Variants in CHST15 observed in about 807,000 individuals in gnomAD.
The protein encoded by CHST15 is B cell RAG associated protein (GALNAC4S-6ST).
A neutral mutation model predicts 53.6 loss-of-function variants in CHST15; 30 were observed. The observed-to-expected ratio is 0.56, with a 90% CI of 0.42 to 0.76. The LOEUF is 0.76. Among genes scored for constraint, CHST15 ranks in the 30% least tolerant of loss-of-function variants. The pLI is 0.00. For synonymous variants in CHST15, 296 were observed against 289.8 expected, an observed-to-expected ratio of 1.02 and a Z score of -0.22; for missense variants, 627 against 740.5, an observed-to-expected ratio of 0.85 and a Z score of 1.78.
chr10:124,038,725 A>G, intron 4 of CHST15, 54 bp from the exon 5 acceptor site: 1 of 1,592,080 alleles, frequency 6.3e-7, no homozygotes, highest in Non-Finnish European at 8.6e-7. Flanking sequence ...GCTCCCACGG[A>G]GTGGCTCTAG....
intron 1 of CHST15, among the ~76,000 whole-genome samples, chr10:124,068,596 G>T (rs935781724): frequency 6.6e-6 from 1 of 152,132 alleles, no homozygotes; most frequent in Non-Finnish European, 1.5e-5. Context: ...AAATGCATCC[G>T]AAATGAATTA....
chr10:124,015,577 C>T (rs1463920769), intron 6 of CHST15, among the ~76,000 whole-genome samples: 1 of 152,030 alleles, frequency 6.6e-6, no homozygotes, highest in African/African-American at 2.4e-5. Flanking sequence ...AGGTACCAGG[C>T]CGAGCCTCTC....
intron 1 of CHST15, among the ~76,000 whole-genome samples, chr10:124,065,614 G>A (rs535027946): frequency 7.8e-4 from 118 of 152,006 alleles, no homozygotes; most frequent in Non-Finnish European, 1.3e-3. Flanking sequence ...AGTCCTGCTG[G>A]GAGCAGACAC....
At chr10:124,068,056 G>T (rs571139297) in intron 1 of CHST15, among the ~76,000 whole-genome samples, 3 of 152,192 alleles carry the variant, frequency 2.0e-5, no homozygotes, top group Admixed American at 6.5e-5. Context: ...CAGAAACTTT[G>T]CCTTAATTAG....
chr10:124,045,224 C>G (rs1414882646), intron 2 of CHST15, among the ~76,000 whole-genome samples: 1 of 150,822 alleles, frequency 6.6e-6, no homozygotes, highest in East Asian at 1.9e-4. Flanking sequence ...ACAACACACA[C>G]GCACACACGG....
At chr10:124,020,852 T>C in intron 6 of CHST15, 1 of 1,247,906 alleles carries the variant, frequency 8.0e-7, no homozygotes, top group Non-Finnish European at 1.0e-6. Flanking sequence ...AAAGAAGCAT[T>C]GAAAATCATT....
At chr10:124,080,417 A>T (rs2134208887) in intron 1 of CHST15, among the ~76,000 whole-genome samples, 1 of 152,080 alleles carries the variant, frequency 6.6e-6, no homozygotes, top group East Asian at 1.9e-4. Context: ...CCAGCTGGTC[A>T]CTCCAGCACA....
chr10:124,031,207 A>G (rs1947212720), intron 5 of CHST15, among the ~76,000 whole-genome samples: 1 of 152,088 alleles, frequency 6.6e-6, no homozygotes, highest in South Asian at 2.1e-4. Flanking sequence ...GCCTGGCCCT[A>G]CTCCCTCAAC....
At chr10:124,051,360 T>C (rs773297475) in intron 1 of CHST15, among the ~76,000 whole-genome samples, 8 of 151,836 alleles carry the variant, frequency 5.3e-5, no homozygotes, top group Non-Finnish European at 1.2e-4. Flanking sequence ...ATTAATGGGG[T>C]GGTATTGAAA....
Position 124,045,966 on chromosome 10 carries a change from C to G in CHST15, c.247G>C (p.Val83Leu). ...RFKKGKRCSL[V>L]FGLIIMTLVM... Reference sequence around the variant, plus strand: ...AAGGTCATTATTATCAGTCCAAAAACGAGGCTACATCGCTTCCCCTTTTTG... The same window carrying G: ...AAGGTCATTATTATCAGTCCAAAAAGGAGGCTACATCGCTTCCCCTTTTTG... Residue 83 changes from valine (V) to leucine (L), a missense_variant, in exon 2 of 8, where the codon GTT (valine) becomes CTT (leucine). Around this residue, in one of 3 missense-constraint regions of CHST15, gnomAD observed 187 missense variants for 251.8 expected, o/e 0.74. Transcript: ENST00000435907. The G allele has an allele frequency of 6.2e-7, 1 of 1,614,140 alleles. No homozygotes were observed. Among genetic ancestry groups the G allele is most frequent in the Non-Finnish European group, 8.5e-7 (1 of 1,180,034 alleles).
At chr10:124,010,935 T>A in intron 7 of CHST15, 2 of 985,392 alleles carry the variant, frequency 2.0e-6, no homozygotes, top group Non-Finnish European at 2.4e-6. Context: ...AGAAGAGGCC[T>A]GCCGGCAAGG....
intron 1 of CHST15, among the ~76,000 whole-genome samples, 185 bp from the exon 2 acceptor site, chr10:124,046,909 T>C (rs995675148): frequency 4.6e-5 from 7 of 152,230 alleles, no homozygotes; most frequent in African/African-American, 1.7e-4. Flanking sequence ...TTCTTGCAGC[T>C]GGCTTTGGGG....
In CHST15 at chr10:124,011,932, C is replaced by T. The variant is rs76658675; in HGVS notation, c.1495+401G>A. On this transcript the variant is annotated intron_variant, in intron 7 of 7. Transcript: ENST00000435907. ...TCCTACAAAGCTCAGCTCTCAGGCC[C>T]TTTCCTTCCATGAAGCCTTCCTCAT... 3,773 of 861,090 alleles carry T rather than the reference C, an allele frequency of 4.4e-3. 88 individuals carry two copies. The African/African-American group carries it at 0.059, about 13-fold the overall frequency. 53.3% of individuals were successfully genotyped at this position (861,090 alleles called of 1,614,324 possible). A position where few individuals can be genotyped will look rare whatever the true frequency, so the allele number is the denominator to read the frequency against.
At chr10:124,035,504 G>A (rs1370685122) in intron 5 of CHST15, among the ~76,000 whole-genome samples, 1 of 143,628 alleles carries the variant, frequency 7.0e-6, no homozygotes, top group East Asian at 2.1e-4. Flanking sequence ...TAGGTACCCT[G>A]GCTTCATCCC....
chr10:124,021,553 A>G (rs923799625), intron 5 of CHST15, 141 bp from the exon 6 acceptor site: 2 of 1,419,926 alleles, frequency 1.4e-6, no homozygotes, highest in African/African-American at 2.9e-5. Flanking sequence ...TCCCTTGCAG[A>G]TGAGCCACCT....
intron 1 of CHST15, among the ~76,000 whole-genome samples, chr10:124,052,147 G>A (rs1202286546): frequency 6.6e-6 from 1 of 152,164 alleles, no homozygotes; most frequent in African/African-American, 2.4e-5. Context: ...TGATTAGTAT[G>A]TGTAACTGCT....
intron 5 of CHST15, among the ~76,000 whole-genome samples, chr10:124,031,438 G>A (rs950609581): frequency 6.6e-6 from 1 of 152,186 alleles, no homozygotes; most frequent in Non-Finnish European, 1.5e-5. Flanking sequence ...CCTAGGTGGC[G>A]AGGTACAGCC....
At chr10:124,045,322 C>T (rs768689999) in intron 2 of CHST15, among the ~76,000 whole-genome samples, 2 of 152,030 alleles carry the variant, frequency 1.3e-5, no homozygotes, top group African/African-American at 2.4e-5. Context: ...TCAAATTTAA[C>T]GCAACTTTAA....
intron 6 of CHST15, among the ~76,000 whole-genome samples, chr10:124,018,979 T>C (rs1431634244): frequency 1.3e-5 from 2 of 152,146 alleles, no homozygotes; most frequent in Non-Finnish European, 2.9e-5. Context: ...CGTTCCCCGA[T>C]TTGTGTGCCA....
Sources: allele counts gnomAD v4.1 joint callset (sites outside exome capture counted in the v4.1 genomes callset), GRCh38; gene constraint gnomAD v4.1.1; regional missense constraint gnomAD v4.1.1; transcripts MANE v1.5; gene names NCBI Gene and HGNC (gene_info 2026-07-23, HGNC 2026-07-21).